Variants in NAALADL2 observed in about 807,000 individuals in gnomAD.
NAALADL2 encodes inactive N-acetylated-alpha-linked acidic dipeptidase-like protein 2.
A neutral mutation model predicts 87.2 loss-of-function variants in NAALADL2; 76 were observed. The ratio of observed to expected loss-of-function variants is 0.87; its 90% CI spans 0.72 to 1.05. The LOEUF (loss-of-function observed/expected upper bound fraction) is 1.05, where lower values mean the gene tolerates loss of function less well. Among genes scored for constraint, NAALADL2 ranks in the 50% least tolerant of loss-of-function variants. The probability of loss-of-function intolerance (pLI) is 0.00; values close to 1 mark genes in which losing one functional copy is unlikely to be tolerated. For synonymous variants in NAALADL2, 354 were observed against 331.0 expected, an observed-to-expected ratio of 1.07 and a Z score of -0.75; for missense variants, 1,089 against 945.8, an observed-to-expected ratio of 1.15 and a Z score of -1.99.
chr3:175,534,022 C>CATTT (rs1182681165), intron 9 of NAALADL2, among the ~76,000 whole-genome samples: 1 of 145,294 alleles, frequency 6.9e-6, no homozygotes, highest in African/African-American at 2.7e-5. Flanking sequence ...GTGTCAAATG[C>CATTT]ATTTATTTAT....
intron 10 of NAALADL2, among the ~76,000 whole-genome samples, chr3:175,583,943 G>T (rs1720166578): frequency 6.6e-6 from 1 of 152,096 alleles, no homozygotes; most frequent in Admixed American, 6.5e-5. Flanking sequence ...TTTGCGTCAG[G>T]CATTGTTCTG....
intron 5 of NAALADL2, among the ~76,000 whole-genome samples, chr3:175,388,049 C>T (rs181643600): frequency 1.3e-5 from 2 of 152,142 alleles, no homozygotes; most frequent in Non-Finnish European, 1.5e-5. Context: ...TGTGCATGTA[C>T]ATTTTTCTAG....
chr3:174,726,354 A>G (rs1732179354), intron 2 of NAALADL2, among the ~76,000 whole-genome samples: 1 of 152,206 alleles, frequency 6.6e-6, no homozygotes, highest in Admixed American at 6.5e-5. Context: ...GTGCAGGTCC[A>G]AGAACTACCA....
At chr3:175,721,568 A>G (rs756934885) in intron 11 of NAALADL2, among the ~76,000 whole-genome samples, 13 of 152,228 alleles carry the variant, frequency 8.5e-5, no homozygotes, top group African/African-American at 2.9e-4. Flanking sequence ...GGATGAGCTC[A>G]TAAGGTTTTT....
Position 175,807,399 on chromosome 3 carries a change from T to G in NAALADL2, c.*4196T>G, listed in dbSNP as rs1370328204. On this transcript the variant is annotated 3_prime_UTR_variant, in exon 14 of 14. Transcript: ENST00000454872. ...CATCTTTGCCTCAAATGAAAATCTA[T>G]AATTATTTGTATGATAAATTGGTAG... The G allele has an allele frequency of 1.3e-5, 2 of 151,940 alleles. No individual in the cohort carries two copies. Among genetic ancestry groups the G allele is most frequent in the East Asian group, 1.9e-4 (1 of 5,186 alleles). The allele number at this position is 151,940 out of a possible 1,614,324, so 9.4% of individuals were successfully genotyped here.
chr3:175,050,378 C>G (rs1166133903), intron 1 of NAALADL2, among the ~76,000 whole-genome samples: 1 of 152,152 alleles, frequency 6.6e-6, no homozygotes, highest in African/African-American at 2.4e-5. Context: ...TTCTCCTGCT[C>G]AGCCTCCCGA....
chr3:175,756,639 C>G (rs1747295539), intron 13 of NAALADL2, among the ~76,000 whole-genome samples: 1 of 151,924 alleles, frequency 6.6e-6, no homozygotes, highest in Non-Finnish European at 1.5e-5. Flanking sequence ...CATGGACATA[C>G]AGAGAGAGAT....
chr3:175,064,094 A>G (rs915324676), intron 1 of NAALADL2, among the ~76,000 whole-genome samples: 1 of 151,998 alleles, frequency 6.6e-6, no homozygotes, highest in Non-Finnish European at 1.5e-5. Flanking sequence ...GTTCTCTTCA[A>G]CCTGTCGTTG....
At chr3:175,141,915 C>T (rs1730055773) in intron 2 of NAALADL2, among the ~76,000 whole-genome samples, 1 of 152,090 alleles carries the variant, frequency 6.6e-6, no homozygotes, top group South Asian at 2.1e-4. Context: ...CCAGCAGAAT[C>T]TTCAGCATCT....
At chr3:175,600,162 T>G (rs1257714035) in intron 10 of NAALADL2, among the ~76,000 whole-genome samples, 2 of 151,972 alleles carry the variant, frequency 1.3e-5, no homozygotes, top group Admixed American at 1.3e-4. Flanking sequence ...CAAATACACT[T>G]GATATATAAT....
At chr3:175,520,457 C>T (rs1450630800) in intron 9 of NAALADL2, among the ~76,000 whole-genome samples, 2 of 151,538 alleles carry the variant, frequency 1.3e-5, no homozygotes, top group Non-Finnish European at 2.9e-5. Flanking sequence ...CGCCACCGCG[C>T]CCGGCTAATT....
At chr3:175,509,299 C>A (rs1469438417) in intron 9 of NAALADL2, among the ~76,000 whole-genome samples, 2 of 152,194 alleles carry the variant, frequency 1.3e-5, no homozygotes, top group South Asian at 4.1e-4. Context: ...CCTGGTCCTA[C>A]TCAGACTTCC....
intron 1 of NAALADL2, among the ~76,000 whole-genome samples, chr3:175,044,338 T>A (rs1475408714): frequency 1.3e-5 from 2 of 152,186 alleles, no homozygotes; most frequent in Non-Finnish European, 2.9e-5. Flanking sequence ...ATGATTGAAA[T>A]CATTTCTCTC....
chr3:174,816,883 T>C (rs1191315948), intron 3 of NAALADL2, among the ~76,000 whole-genome samples: 1 of 152,198 alleles, frequency 6.6e-6, no homozygotes, highest in African/African-American at 2.4e-5. Flanking sequence ...TTAGTGTGCC[T>C]GAGCCACAGG....
intron 2 of NAALADL2, among the ~76,000 whole-genome samples, chr3:175,221,237 C>T (rs1001616824): frequency 6.7e-6 from 1 of 148,574 alleles, no homozygotes; most frequent in African/African-American, 2.5e-5. Flanking sequence ...TATTCTATTT[C>T]ACCATAGACT....
chr3:175,598,606 C>T (rs1006016190), intron 10 of NAALADL2, among the ~76,000 whole-genome samples: 28 of 152,040 alleles, frequency 1.8e-4, no homozygotes, highest in Admixed American at 1.0e-3. Context: ...TCTGGGATAA[C>T]TATTATGACT....
At chr3:175,471,785 T>C in intron 9 of NAALADL2, 27 bp downstream of exon 9, 1 of 1,566,972 alleles carries the variant, frequency 6.4e-7, no homozygotes. Flanking sequence ...TTGTATCAAA[T>C]GATTATGCAA....
At chr3:175,738,306 G>A (rs535756720) in intron 12 of NAALADL2, among the ~76,000 whole-genome samples, 2 of 151,448 alleles carry the variant, frequency 1.3e-5, no homozygotes, top group East Asian at 3.9e-4. Context: ...GGAGTGCAGT[G>A]GTGCGATCTC....
At chr3:175,269,644 A>G (rs1392475611) in intron 4 of NAALADL2, among the ~76,000 whole-genome samples, 1 of 152,198 alleles carries the variant, frequency 6.6e-6, no homozygotes, top group Non-Finnish European at 1.5e-5. Flanking sequence ...AAATTCCTGT[A>G]TAAGTAGGAT....
Sources: allele counts gnomAD v4.1 joint callset (sites outside exome capture counted in the v4.1 genomes callset), GRCh38; gene constraint gnomAD v4.1.1; transcripts MANE v1.5; gene names NCBI Gene and HGNC (gene_info 2026-07-23, HGNC 2026-07-21).